Variants in SHD observed in about 807,000 individuals in gnomAD.
SHD encodes Src homology 2 domain containing transforming protein D, also known as SH2 domain-containing adapter protein D.
A neutral mutation model predicts 31.2 loss-of-function variants in SHD; 29 were observed. The ratio of observed to expected loss-of-function variants is 0.93; its 90% CI spans 0.69 to 1.27. The LOEUF (loss-of-function observed/expected upper bound fraction) is 1.27, where lower values mean the gene tolerates loss of function less well. Among genes scored for constraint, SHD ranks in the 50% most tolerant of loss-of-function variants. The pLI is 0.00. For synonymous variants in SHD, 208 were observed against 187.8 expected, an observed-to-expected ratio of 1.11 and a Z score of -0.88; for missense variants, 520 against 453.8, an observed-to-expected ratio of 1.15 and a Z score of -1.33.
intron 5 of SHD, among the ~76,000 whole-genome samples, chr19:4,288,873 C>T (rs886194424): frequency 3.3e-5 from 5 of 152,130 alleles, no homozygotes; most frequent in Admixed American, 1.3e-4. Flanking sequence ...CGGCAGCTGA[C>T]GTCTGTAATC....
chr19:4,282,707 C>A (rs1568368346), intron 1 of SHD, among the ~76,000 whole-genome samples, 163 bp from the exon 2 acceptor site: 1 of 152,072 alleles, frequency 6.6e-6, no homozygotes, highest in Middle Eastern at 3.4e-3. Context: ...CAGAGCGAGA[C>A]TCCATCTCAA....
intron 1 of SHD, among the ~76,000 whole-genome samples, chr19:4,282,521 C>T (rs1342687985): frequency 1.3e-5 from 2 of 152,050 alleles, no homozygotes; most frequent in East Asian, 3.9e-4. Flanking sequence ...GTCAGGAGAT[C>T]GAGACCATCC....
At position 4,290,599 on chromosome 19, in the gene SHD, C is replaced by A. The variant is rs74542136; in HGVS notation, c.989C>A (p.Ala330Asp). 1.2e-6 allele frequency: 2 copies of A among 1,612,734 alleles called. No homozygotes were observed. Among genetic ancestry groups the A allele is most frequent in the Admixed American group, 3.3e-5 (2 of 59,900 alleles). ...PLPVQGAEHL[A>D]LLYPVVTQTP ...CCGGTGCAGGGTGCCGAGCATCTGG[C>A]TCTGCTGTACCCCGTGGTCACGCAG... Residue 330 changes from alanine (A) to aspartate (D), a missense_variant, in exon 6 of 6, where the codon GCT (alanine) becomes GAT (aspartate). By Grantham distance (126) the Ala-to-Asp change is moderately radical. Transcript: ENST00000543264.
In SHD at chr19:4,279,287, C is replaced by T. The variant is rs1216570804; in HGVS notation, c.-777C>T. On this transcript the variant is annotated 5_prime_UTR_variant, in exon 1 of 6. Transcript: ENST00000543264. The surrounding 1 kb of genome is among the most constrained non-coding windows in gnomAD (Gnocchi z 7.5). ...TGACGCTGCTGCCCGGGACGCGGCCCGGGGCTGGTGGGAACAGGGGCGTCC... is the reference window on the plus strand; with the variant it reads ...TGACGCTGCTGCCCGGGACGCGGCCTGGGGCTGGTGGGAACAGGGGCGTCC... 1 of 151,642 alleles carries T rather than the reference C, an allele frequency of 6.6e-6. No individual in the cohort carries two copies. The highest frequency in any genetic ancestry group is 2.0e-4 in the East Asian group (1 of 5,114). 9.4% of individuals were successfully genotyped at this position (151,642 alleles called of 1,614,324 possible). A position where few individuals can be genotyped will look rare whatever the true frequency, so the allele number is the denominator to read the frequency against.
In SHD at chr19:4,280,267, T is replaced by G. The variant is rs1415581514; in HGVS notation, c.204T>G (p.Asp68Glu). ...CTGGGGACTCCAAGAACCCCGGAGATGCCAAGTATGGTTCTCCCAAGCACC... is the reference window on the plus strand; with the variant it reads ...CTGGGGACTCCAAGAACCCCGGAGAGGCCAAGTATGGTTCTCCCAAGCACC... The part of the protein sequence containing the change: ...AGPGDSKNPG[D>E]AKYGSPKHRL... Residue 68 changes from aspartate to glutamate, a missense_variant, in exon 1 of 6, where the codon GAT becomes GAG. Physicochemically the swap from Asp to Glu is conservative, Grantham distance 45. Transcript: ENST00000543264. 1 of 1,613,214 alleles carries G rather than the reference T, an allele frequency of 6.2e-7. No individual in the cohort carries two copies. The highest frequency in any genetic ancestry group is 8.5e-7 in the Non-Finnish European group (1 of 1,179,838).
rs1002415225 is a variant in SHD, at chr19:4,280,260, C to T, written c.197C>T (p.Pro66Leu). The T allele has an allele frequency of 4.3e-6, 7 of 1,613,458 alleles. No individual in the cohort carries two copies. In the African/African-American group the frequency reaches 8.0e-5, roughly 18 times the overall value. ...GCGGGCCCTGGGGACTCCAAGAACCCCGGAGATGCCAAGTATGGTTCTCCC... is the reference window on the plus strand; with the variant it reads ...GCGGGCCCTGGGGACTCCAAGAACCTCGGAGATGCCAAGTATGGTTCTCCC... ...DPAGPGDSKNPGDAKYGSPKH... is the reference protein window; with the variant it reads ...DPAGPGDSKNLGDAKYGSPKH... The change falls in exon 1 of 6, where the codon CCC becomes CTC. Residue 66 changes from proline to leucine, a missense_variant. Pro to Leu is a moderately conservative substitution (Grantham distance 98). Coordinates refer to ENST00000543264, the MANE Select transcript of SHD (RefSeq NM_020209.4).
chr19:4,279,710 A>C lies in SHD; in HGVS notation c.-354A>C. The C allele has an allele frequency of 1.9e-5, 4 of 212,844 alleles. No homozygotes were observed. The highest frequency in any genetic ancestry group is 9.2e-6 in the Non-Finnish European group (1 of 108,188). 13.2% of individuals were successfully genotyped at this position (212,844 alleles called of 1,614,324 possible). On this transcript the variant is annotated 5_prime_UTR_variant, in exon 1 of 6. Coordinates refer to ENST00000543264, the MANE Select transcript of SHD (RefSeq NM_020209.4). The surrounding 1 kb of genome is among the most constrained non-coding windows in gnomAD (Gnocchi z 7.5). The stretch of plus-strand genomic sequence containing the variant: ...GCGGGCGGCCGTGTCGCTCCAGGGA[A>C]CCGCGCTGCCCGCGGAAACTCCGCG...
In SHD at chr19:4,283,239, G is replaced by A; in HGVS notation, c.589G>A (p.Ala197Thr). The change falls in exon 3 of 6, where the codon GCA becomes ACA. Residue 197 changes from alanine to threonine, a missense_variant. By Grantham distance (58) the Ala-to-Thr change is moderately conservative. Transcript: ENST00000543264. ...GAAAGACCACATCTCCAGGGCGTTT[G>A]CAGGTGCTTCTCAGACCCACACTCT... is the stretch of plus-strand genomic sequence containing the variant. ...WKKDHISRAF[A>T]VQFDSPEWER... is the part of the protein sequence containing the mutation. 1 of 1,611,474 alleles carries A rather than the reference G, an allele frequency of 6.2e-7. No individual in the cohort carries two copies.
intron 3 of SHD, among the ~76,000 whole-genome samples, chr19:4,284,081 A>T (rs1165912674): frequency 6.6e-6 from 1 of 151,702 alleles, no homozygotes. Context: ...AGGCGGGTGG[A>T]TCGTTTGAGG....
chr19:4,284,635 G>A, intron 3 of SHD, 146 bp from the exon 4 acceptor site: 1 of 985,594 alleles, frequency 1.0e-6, no homozygotes. Flanking sequence ...GGCCAATCCT[G>A]CCCCTGCCTT....
chr19:4,290,431 C>A lies in SHD; in HGVS notation c.837-16C>A. On this transcript the variant is annotated splice_polypyrimidine_tract_variant and intron_variant, in intron 5 of 5. Coordinates refer to ENST00000543264, the MANE Select transcript of SHD (RefSeq NM_020209.4). ...GTCCGGGATGCTCAGGAGTCCCTTT[C>A]TCCCTCATCGCCCAGGAGCAGCCAG... 1 of 1,603,020 alleles carries A rather than the reference C, an allele frequency of 6.2e-7. No homozygotes were observed. The highest frequency in any genetic ancestry group is 8.5e-7 in the Non-Finnish European group (1 of 1,174,140).
rs1365780751 is a variant in SHD, at chr19:4,288,342, G to A, written c.816G>A (p.Gln272=). 1 of 1,613,496 alleles carries A rather than the reference G, an allele frequency of 6.2e-7. No homozygotes were observed. The highest frequency in any genetic ancestry group is 1.1e-5 in the South Asian group (1 of 91,020). ...YLVRLSETNP[Q]DCSLSLRSSQ... Reference sequence around the variant, plus strand: ...TGCGGCTCAGTGAGACCAACCCCCAGGACTGCTCCTTGTCTCTCAGGTGAG... The same window carrying A: ...TGCGGCTCAGTGAGACCAACCCCCAAGACTGCTCCTTGTCTCTCAGGTGAG... Residue 272 remains glutamine, a synonymous_variant, in exon 5 of 6, where the codon CAG becomes CAA. Coordinates refer to ENST00000543264, the MANE Select transcript of SHD (RefSeq NM_020209.4).
chr19:4,280,170 C>G lies in SHD; in HGVS notation c.107C>G (p.Ala36Gly). The G allele has an allele frequency of 6.2e-7, 1 of 1,613,858 alleles. No individual in the cohort carries two copies. The highest frequency in any genetic ancestry group is 1.3e-5 in the African/African-American group (1 of 75,008). Residue 36 changes from alanine to glycine, a missense_variant, in exon 1 of 6, where the codon GCG becomes GGG. Coordinates refer to ENST00000543264, the MANE Select transcript of SHD (RefSeq NM_020209.4). ...TESDILRAYR[A>G]QKNLDFEDPY... ...AGCGACATCCTGAGGGCCTACCGCG[C>G]GCAGAAGAACCTGGACTTCGAGGAC...
At chr19:4,284,195 A>G (rs954117243) in intron 3 of SHD, among the ~76,000 whole-genome samples, 4 of 151,898 alleles carry the variant, frequency 2.6e-5, no homozygotes, top group Non-Finnish European at 4.4e-5. Flanking sequence ...CCAGCTACTC[A>G]GGAGGCTGAG....
intron 4 of SHD, among the ~76,000 whole-genome samples, chr19:4,285,733 A>G (rs1301724759): frequency 2.0e-5 from 3 of 151,686 alleles, no homozygotes; most frequent in African/African-American, 7.3e-5. Context: ...TATTTTCAGT[A>G]GAGACAGAGT....
Position 4,280,025 on chromosome 19 carries a change from C to T in SHD, c.-39C>T. On this transcript the variant is annotated 5_prime_UTR_variant, in exon 1 of 6. Transcript: ENST00000543264. ...GGCCCGGAGAAGGGCATGTGGGGGC[C>T]CCTCTGACAGTGGCCCGATTGGGGT... 1 of 1,541,394 alleles carries T rather than the reference C, an allele frequency of 6.5e-7. No homozygotes were observed. Among genetic ancestry groups the T allele is most frequent in the Non-Finnish European group, 8.7e-7 (1 of 1,146,458 alleles).
intron 1 of SHD, among the ~76,000 whole-genome samples, chr19:4,280,916 T>C (rs1483329339): frequency 2.0e-5 from 3 of 151,898 alleles, no homozygotes; most frequent in East Asian, 3.9e-4. Context: ...TCCTCCTCCA[T>C]GGTCATCCCC....
At position 4,285,999 on chromosome 19, in the gene SHD, C is replaced by A. The variant is rs557923593; in HGVS notation, c.716+1095C>A. ...CTCCGCCTCCCTGGTTCAAGCAATT[C>A]TCTTGCCTCAGCCTCCCAAGTAGCT... is the stretch of plus-strand genomic sequence containing the variant. On this transcript the variant is annotated intron_variant, in intron 4 of 5. Coordinates refer to ENST00000543264, the MANE Select transcript of SHD (RefSeq NM_020209.4). Among the ~76,000 whole-genome samples, 3 of 140,886 alleles carry A rather than the reference C, an allele frequency of 2.1e-5. No individual in the cohort carries two copies. The South Asian group carries it at 7.3e-4, about 34-fold the overall frequency. The allele number at this position is 140,886 out of a possible 152,430, so 92.4% of individuals were successfully genotyped here.
At chr19:4,289,849 G>T (rs1179737456) in intron 5 of SHD, among the ~76,000 whole-genome samples, 1 of 151,710 alleles carries the variant, frequency 6.6e-6, no homozygotes, top group African/African-American at 2.4e-5. Context: ...GTGATTACAG[G>T]CGTGAGCCAC....
Sources: allele counts gnomAD v4.1 joint callset (sites outside exome capture counted in the v4.1 genomes callset), GRCh38; gene constraint gnomAD v4.1.1; non-coding constraint Gnocchi (gnomAD v3.1); transcripts MANE v1.5; gene names NCBI Gene and HGNC (gene_info 2026-07-23, HGNC 2026-07-21).